Variants in GRM7 observed in about 807,000 individuals in gnomAD.
GRM7 encodes the protein glutamate metabotropic receptor 7.
In GRM7, 35 loss-of-function variants were observed where a neutral mutation model predicts 84.5. The observed-to-expected ratio is 0.41, with a 90% CI of 0.32 to 0.55. The LOEUF (loss-of-function observed/expected upper bound fraction) is 0.55. GRM7 is among the 20% of genes least tolerant of loss of function. GRM7 has a pLI of 0.19. For synonymous variants in GRM7, 487 were observed against 455.1 expected (o/e 1.07, Z -0.89); for missense variants, 1,003 against 1,194.6 (o/e 0.84, Z 2.36).
At chr3:7,027,727 T>C (rs1458356875) in intron 1 of GRM7, among the ~76,000 whole-genome samples, 1 of 152,218 alleles carries the variant, frequency 6.6e-6, no homozygotes, top group African/African-American at 2.4e-5. Flanking sequence ...TACGTATTTC[T>C]ATGCTAGCCT....
chr3:6,885,167 G>A (rs1695644863), intron 1 of GRM7, among the ~76,000 whole-genome samples: 1 of 152,082 alleles, frequency 6.6e-6, no homozygotes. Context: ...CTTCACCCAC[G>A]AAACAATTTC....
intron 7 of GRM7, among the ~76,000 whole-genome samples, chr3:7,503,668 T>C (rs1231014510): frequency 6.6e-6 from 1 of 152,300 alleles, no homozygotes; most frequent in East Asian, 1.9e-4. Context: ...TTCTGTATGT[T>C]AGAAGGGATT....
intron 9 of GRM7, chr3:7,694,287 C>T (rs540322207): frequency 3.3e-5 from 6 of 179,516 alleles, no homozygotes; most frequent in Admixed American, 6.5e-5. Flanking sequence ...GCACAACAGC[C>T]GTTCAAATGT....
intron 1 of GRM7, among the ~76,000 whole-genome samples, chr3:7,099,373 TAC>T (rs1057511161): frequency 3.4e-5 from 5 of 148,072 alleles, no homozygotes; most frequent in Non-Finnish European, 6.0e-5. Context: ...TATACATATA[TAC>T]ATATATAATA....
At chr3:7,489,551 G>C (rs1000346526) in intron 7 of GRM7, among the ~76,000 whole-genome samples, 1 of 152,160 alleles carries the variant, frequency 6.6e-6, no homozygotes, top group African/African-American at 2.4e-5. Context: ...ACATCTATCT[G>C]TAAGGGTGGT....
intron 8 of GRM7, among the ~76,000 whole-genome samples, chr3:7,581,323 A>G (rs570643411): frequency 6.6e-6 from 1 of 152,302 alleles, no homozygotes; most frequent in Non-Finnish European, 1.5e-5. Context: ...TAAGCTTTCA[A>G]GCAGTGTGCT....
intron 9 of GRM7, among the ~76,000 whole-genome samples, chr3:7,726,613 C>CTATATATATATATATATATA (rs56250356): frequency 1.7e-5 from 1 of 58,098 alleles, no homozygotes; most frequent in Admixed American, 2.3e-4. Flanking sequence ...CTCTCTCCCT[C>CTATATATATATATATATATA]TATATATATA....
intron 9 of GRM7, among the ~76,000 whole-genome samples, chr3:7,703,477 G>A (rs901639860): frequency 6.6e-6 from 1 of 151,944 alleles, no homozygotes; most frequent in Admixed American, 6.6e-5. Context: ...CTACACCCTG[G>A]GCTGTGGTGT....
intron 1 of GRM7, among the ~76,000 whole-genome samples, chr3:7,037,981 A>G (rs1696442412): frequency 6.6e-6 from 1 of 152,168 alleles, no homozygotes; most frequent in Non-Finnish European, 1.5e-5. Flanking sequence ...TGCTTGCCAT[A>G]TTAAAGAGGT....
intron 4 of GRM7, among the ~76,000 whole-genome samples, chr3:7,374,050 C>T (rs1349410370): frequency 6.6e-6 from 1 of 152,092 alleles, no homozygotes; most frequent in Non-Finnish European, 1.5e-5. Flanking sequence ...TCCAACCTCT[C>T]CCATTATGAT....
chr3:7,636,305 G>A (rs985740322), intron 8 of GRM7: 1 of 456,610 alleles, frequency 2.2e-6, no homozygotes, highest in Admixed American at 2.3e-5. Flanking sequence ...AGCAATGACT[G>A]TTCTTGTTAT....
chr3:7,719,887 A>G lies in GRM7; in HGVS notation c.2699-20470A>G, dbSNP rs75319575. Among the ~76,000 whole-genome samples, 638 of 152,122 alleles carry G rather than the reference A, an allele frequency of 4.2e-3. 12 individuals carry two copies. In the East Asian group the frequency reaches 0.08, roughly 19 times the overall value. On this transcript the variant is annotated intron_variant, in intron 9 of 9. Coordinates refer to ENST00000357716, the MANE Select transcript of GRM7 (RefSeq NM_000844.4). ...AACAAGGACTTCCAGTTGAGTTTTT[A>G]TACGGTCACCCTTCTGAATTTCATT...
chr3:7,220,906 A>G (rs2133441), intron 2 of GRM7, among the ~76,000 whole-genome samples: 39,752 of 151,972 alleles, frequency 0.26, 7,068 homozygotes, highest in African/African-American at 0.51. Flanking sequence ...CAGCCTGAGC[A>G]ACATGGTGAA....
intron 4 of GRM7, among the ~76,000 whole-genome samples, chr3:7,341,652 C>A (rs912395308): frequency 4.6e-5 from 7 of 152,084 alleles, no homozygotes; most frequent in African/African-American, 1.7e-4. Flanking sequence ...TCTTTTTAAA[C>A]TGTTTTCCAA....
intron 5 of GRM7, among the ~76,000 whole-genome samples, chr3:7,446,253 T>G (rs1240619392): frequency 6.6e-6 from 1 of 152,172 alleles, no homozygotes; most frequent in Non-Finnish European, 1.5e-5. Flanking sequence ...ATGTTTGAAA[T>G]AAAAATTTCA....
At chr3:7,136,036 T>C (rs906382231) in intron 1 of GRM7, among the ~76,000 whole-genome samples, 8 of 152,152 alleles carry the variant, frequency 5.3e-5, no homozygotes, top group African/African-American at 1.9e-4. Context: ...AGCAGTTTAC[T>C]ATGTAATAAT....
At chr3:7,513,108 G>A (rs2124979836) in intron 7 of GRM7, among the ~76,000 whole-genome samples, 1 of 152,300 alleles carries the variant, frequency 6.6e-6, no homozygotes, top group Non-Finnish European at 1.5e-5. Flanking sequence ...AGACATTGGA[G>A]AATTCAGCCT....
intron 2 of GRM7, among the ~76,000 whole-genome samples, chr3:7,161,632 T>C (rs1174406832): frequency 6.6e-6 from 1 of 152,172 alleles, no homozygotes; most frequent in Non-Finnish European, 1.5e-5. Context: ...ATTATAATGG[T>C]TACTATTACA....
At chr3:7,627,666 G>T (rs1559449001) in intron 8 of GRM7, among the ~76,000 whole-genome samples, 1 of 152,130 alleles carries the variant, frequency 6.6e-6, no homozygotes, top group African/African-American at 2.4e-5. Context: ...ATTACGAACT[G>T]GGTGGTGGAA....
Sources: allele counts gnomAD v4.1 joint callset (sites outside exome capture counted in the v4.1 genomes callset), GRCh38; gene constraint gnomAD v4.1.1; transcripts MANE v1.5; gene names NCBI Gene and HGNC (gene_info 2026-07-23, HGNC 2026-07-21).